SMARCA2: variants seen among roughly 807,000 people sequenced by gnomAD.
SMARCA2 encodes the protein SWI/SNF-related matrix-associated actin-dependent regulator of chromatin subfamily A member 2.
In SMARCA2, 61 loss-of-function variants were observed where a neutral mutation model predicts 199.8. That is an observed-to-expected ratio of 0.31 (90% CI 0.25 to 0.38). SMARCA2 has a LOEUF of 0.38. SMARCA2 is among the 10% of genes least tolerant of loss of function. The pLI, the probability that SMARCA2 is intolerant of heterozygous loss-of-function variation, is 1.00. For synonymous variants in SMARCA2, 935 were observed against 732.0 expected (o/e 1.28, Z -4.48); for missense variants, 1,344 against 2,012.2 (o/e 0.67, Z 6.35).
intron 24 of SMARCA2, among the ~76,000 whole-genome samples, chr9:2,111,362 A>G (rs35781487): frequency 0.1 from 15,859 of 151,734 alleles, 912 homozygotes; most frequent in Middle Eastern, 0.17. Flanking sequence ...AGTGGCACTT[A>G]TACCTGTAGT....
chr9:2,041,483 T>A (rs1167968244), intron 4 of SMARCA2: 1 of 398,344 alleles, frequency 2.5e-6, no homozygotes, highest in African/African-American at 2.1e-5. Context: ...TACAAGGGCA[T>A]GAATCCCAAT....
chr9:2,053,062 T>C (rs996188696), intron 5 of SMARCA2, among the ~76,000 whole-genome samples: 1 of 152,218 alleles, frequency 6.6e-6, no homozygotes, highest in Non-Finnish European at 1.5e-5. Context: ...TGGGGTGCAG[T>C]TGATCCCATC....
chr9:2,185,901 G>C (rs550531808), intron 31 of SMARCA2, among the ~76,000 whole-genome samples, 195 bp from the exon 32 acceptor site: 1 of 152,246 alleles, frequency 6.6e-6, no homozygotes, highest in South Asian at 2.1e-4. Flanking sequence ...AACTGCATTT[G>C]GACTTTCTGT....
At chr9:2,172,567 G>C (rs571871294) in intron 29 of SMARCA2, among the ~76,000 whole-genome samples, 1 of 152,268 alleles carries the variant, frequency 6.6e-6, no homozygotes, top group East Asian at 1.9e-4. Flanking sequence ...GGAAGACTGG[G>C]ACAGCCTGGA....
chr9:2,190,222 C>A (rs377583901), intron 32 of SMARCA2, among the ~76,000 whole-genome samples: 160 of 152,284 alleles, frequency 1.1e-3, no homozygotes, highest in African/African-American at 3.6e-3. Flanking sequence ...TGCAGTCTTT[C>A]TGAAGGCTAA....
At chr9:2,173,948 T>G (rs896698173) in intron 29 of SMARCA2, among the ~76,000 whole-genome samples, 2 of 152,216 alleles carry the variant, frequency 1.3e-5, no homozygotes, top group Non-Finnish European at 2.9e-5. Flanking sequence ...CTCCAGTGCT[T>G]TATTTTGCCC....
At chr9:2,095,223 C>T (rs7039339) in intron 19 of SMARCA2, among the ~76,000 whole-genome samples, 32,508 of 151,508 alleles carry the variant, frequency 0.21, 3,746 homozygotes, top group African/African-American at 0.31. Context: ...GTAGCTGGGA[C>T]TACAGGCACA....
chr9:2,178,717 T>G (rs1436379559), intron 29 of SMARCA2, among the ~76,000 whole-genome samples: 2 of 151,876 alleles, frequency 1.3e-5, no homozygotes, highest in Non-Finnish European at 2.9e-5. Context: ...TTTTTGTTTG[T>G]TTGTTTAATT....
At chr9:2,121,940 G>C (rs988539991) in intron 26 of SMARCA2, among the ~76,000 whole-genome samples, 9 of 152,140 alleles carry the variant, frequency 5.9e-5, no homozygotes, top group Admixed American at 5.2e-4. Context: ...TAAGCATAAG[G>C]TTTATAATCA....
At chr9:2,181,463 A>G in intron 29 of SMARCA2, 108 bp from the exon 30 acceptor site, 4 of 672,134 alleles carry the variant, frequency 6.0e-6, no homozygotes, top group South Asian at 4.8e-5. Context: ...CCATATCTAT[A>G]TGCGTGGAAT....
At chr9:2,038,269 A>C (rs1328916302) in intron 3 of SMARCA2, among the ~76,000 whole-genome samples, 1 of 152,202 alleles carries the variant, frequency 6.6e-6, no homozygotes, top group Non-Finnish European at 1.5e-5. Flanking sequence ...CATTTTCCTC[A>C]TTTTAAAAAA....
Position 2,047,234 on chromosome 9 carries a change from G to T in SMARCA2, c.796G>T (p.Gly266Trp). Reference protein sequence around the residue: ...LVNYNRPSGPGPELSGPSTPQ... With the variant: ...LVNYNRPSGPWPELSGPSTPQ... ...ATGTCGCTCTTGTCCCGCAGGCCCG[G>T]GGCCGGAGCTGAGCGGCCCGAGCAC... The change falls in exon 5 of 34, where the codon GGG becomes TGG. Residue 266 changes from glycine to tryptophan, a missense_variant. This residue lies in a region of SMARCA2 where 117 missense variants were observed against 99.1 expected (regional missense o/e 1.18). Coordinates refer to ENST00000349721, the MANE Select transcript of SMARCA2 (RefSeq NM_003070.5). 1 of 1,009,646 alleles carries T rather than the reference G, an allele frequency of 9.9e-7. No individual in the cohort carries two copies. Among genetic ancestry groups the T allele is most frequent in the Non-Finnish European group, 1.2e-6 (1 of 846,354 alleles). 62.5% of individuals were successfully genotyped at this position (1,009,646 alleles called of 1,614,324 possible). A position where few individuals can be genotyped will look rare whatever the true frequency, so the allele number is the denominator to read the frequency against.
rs555699664 is a variant in SMARCA2 at position 2,018,346 on chromosome 9, A to G, written c.-37+2942A>G. Among the ~76,000 whole-genome samples, 25 of 148,120 alleles carry G rather than the reference A, an allele frequency of 1.7e-4. No homozygotes were observed. In the South Asian group the frequency reaches 4.4e-3, roughly 26 times the overall value. ...TATATAACTTTTGGGTGAGTTTTGC[A>G]AGGTTGTCTCTTTTTTTTCCTCCTC... On this transcript the variant is annotated intron_variant, in intron 1 of 33. Coordinates refer to ENST00000349721, the MANE Select transcript of SMARCA2 (RefSeq NM_003070.5).
intron 27 of SMARCA2, among the ~76,000 whole-genome samples, chr9:2,129,101 C>A (rs1264503789): frequency 6.6e-6 from 1 of 152,118 alleles, no homozygotes; most frequent in Non-Finnish European, 1.5e-5. Flanking sequence ...GCAACGGATT[C>A]GGATTGATTA....
At chr9:2,179,346 C>G (rs1383347335) in intron 29 of SMARCA2, among the ~76,000 whole-genome samples, 2 of 152,170 alleles carry the variant, frequency 1.3e-5, no homozygotes, top group Non-Finnish European at 2.9e-5. Flanking sequence ...AGATAACTTC[C>G]AGGTCCTCCT....
At chr9:2,082,891 C>A (rs1231030697) in intron 15 of SMARCA2, among the ~76,000 whole-genome samples, 3 of 152,186 alleles carry the variant, frequency 2.0e-5, no homozygotes, top group Admixed American at 2.0e-4. Context: ...TACAGTGACA[C>A]TTTCAGGGCT....
chr9:2,125,015 G>A (rs1381679999), intron 27 of SMARCA2, among the ~76,000 whole-genome samples: 2 of 152,186 alleles, frequency 1.3e-5, no homozygotes, highest in Non-Finnish European at 2.9e-5. Context: ...CAAGCTTTGT[G>A]AAACATGGAT....
intron 4 of SMARCA2, 168 bp downstream of exon 4, chr9:2,040,068 C>T (rs1819538922): frequency 2.3e-6 from 3 of 1,314,480 alleles, no homozygotes; most frequent in South Asian, 1.5e-5. Flanking sequence ...TCTTGGTCTT[C>T]CCCTGCTGTT....
chr9:2,176,183 T>TTTTTTTTTTTTTTGTTTTTG (rs1491564466), intron 29 of SMARCA2, among the ~76,000 whole-genome samples: 4 of 88,448 alleles, frequency 4.5e-5, no homozygotes, highest in African/African-American at 2.8e-4. Flanking sequence ...GCCCGGCCTG[T>TTTTTTTTTTTTTTGTTTTTG]TTTTTTTTTT....
Sources: gnomAD v4.1 joint callset for allele counts (sites outside exome capture counted in the v4.1 genomes callset) on GRCh38, gnomAD v4.1.1 for gene constraint, gnomAD v4.1.1 regional missense constraint, MANE v1.5 for transcripts, NCBI Gene and HGNC (gene_info 2026-07-23, HGNC 2026-07-21) for gene names.